NCL: variants seen among roughly 807,000 people sequenced by gnomAD.
NCL encodes nucleolin multifunctional protein.
In NCL, 4 loss-of-function variants were observed where a neutral mutation model predicts 77.7. The ratio of observed to expected loss-of-function variants is 0.05; its 90% CI spans 0.03 to 0.12. The LOEUF (loss-of-function observed/expected upper bound fraction) is 0.12. NCL is among the 10% of genes least tolerant of loss of function. NCL has a pLI of 1.00. For missense variants in NCL, 763 were observed against 860.9 expected (o/e 0.89, Z 1.42); for synonymous variants, 344 against 297.8 (o/e 1.16, Z -1.60).
chr2:231,456,597 C>G (rs202114632), intron 11 of NCL, 34 bp downstream of exon 11: 5 of 1,613,140 alleles, frequency 3.1e-6, no homozygotes, highest in Non-Finnish European at 4.2e-6. Flanking sequence ...AGAGTGCTAC[C>G]CCCAACCACA....
At position 231,454,846 on chromosome 2, in the gene NCL, C is replaced by CAAAAAAAAAA. The variant is rs201409564; in HGVS notation, c.*335_*344dup. On this transcript the variant is annotated 3_prime_UTR_variant, in exon 14 of 14. Transcript: ENST00000322723. ...CTTTTCTTTTACAACCCCACGAACG[C>CAAAAAAAAAA]AAAAAAAAAAAAAACAAAAACAAAA... 11 of 96,324 alleles carry CAAAAAAAAAA rather than the reference C, an allele frequency of 1.1e-4. No homozygotes were observed. Among genetic ancestry groups the CAAAAAAAAAA allele is most frequent in the Non-Finnish European group, 1.6e-4 (7 of 44,112 alleles). 6.0% of individuals were successfully genotyped at this position (96,324 alleles called of 1,614,324 possible).
At position 231,460,561 on chromosome 2, in the gene NCL, G is replaced by A; in HGVS notation, c.815C>T (p.Pro272Leu). The A allele has an allele frequency of 6.2e-7, 1 of 1,614,146 alleles. No individual in the cohort carries two copies. Among genetic ancestry groups the A allele is most frequent in the Non-Finnish European group, 8.5e-7 (1 of 1,180,038 alleles). Reference sequence around the variant, plus strand: ...TCGTTTTCCAGGTGCTTCTTTGACAGGCTCTGGACAAGATGTCAAACAATG... The same window carrying A: ...TCGTTTTCCAGGTGCTTCTTTGACAAGCTCTGGACAAGATGTCAAACAATG... ...EEEEEEEEEE[P>L]VKEAPGKRKK... The change falls in exon 5 of 14, where the codon CCT (proline) becomes CTT (leucine). Residue 272 changes from proline to leucine, a missense_variant. Pro to Leu is a moderately conservative substitution (Grantham distance 98, BLOSUM62 -3). Coordinates refer to ENST00000322723, the MANE Select transcript of NCL (RefSeq NM_005381.3).
chr2:231,455,163 T>C lies in NCL; in HGVS notation c.*28A>G. On this transcript the variant is annotated 3_prime_UTR_variant, in exon 14 of 14. Coordinates refer to ENST00000322723, the MANE Select transcript of NCL (RefSeq NM_005381.3). ...AAACCCCAGAGTCCTTTCTTTCAAA[T>C]GGAAAAGGGAAAGCAGAGGGACAGA... 1 of 1,613,616 alleles carries C rather than the reference T, an allele frequency of 6.2e-7. No homozygotes were observed. The highest frequency in any genetic ancestry group is 1.3e-5 in the African/African-American group (1 of 75,028).
chr2:231,461,553 GTCATCGTCATCCTCATCA>G lies in NCL; in HGVS notation c.582_599del (p.Asp197_Glu202del). 1.9e-6 allele frequency: 3 copies of G among 1,612,918 alleles called. No homozygotes were observed. The highest frequency in any genetic ancestry group is 2.5e-6 in the Non-Finnish European group (3 of 1,179,320). On this transcript the variant is annotated inframe_deletion, in exon 3 of 14. Coordinates refer to ENST00000322723, the MANE Select transcript of NCL (RefSeq NM_005381.3). ...ACAACTCCTTACCATCTTCCTCATC[GTCATCGTCATCCTCATCA>G]TCTTCGTCATCCTCATCGTCCTCAT... is the stretch of plus-strand genomic sequence containing the variant.
chr2:231,455,432 TCCTCCTCGG>T lies in NCL; in HGVS notation c.2016_2024del (p.Arg673_Gly675del), dbSNP rs1473718658. The T allele has an allele frequency of 2.5e-6, 4 of 1,613,794 alleles. No individual in the cohort carries two copies. Among genetic ancestry groups the T allele is most frequent in the Non-Finnish European group, 3.4e-6 (4 of 1,179,958 alleles). On this transcript the variant is annotated inframe_deletion, in exon 13 of 14. Coordinates refer to ENST00000322723, the MANE Select transcript of NCL (RefSeq NM_005381.3). ...AGCCTCCCCGGCCTCTGCCACCAAA[TCCTCCTCGG>T]CCTCCTCTACCACCACCTCGTCCTC...
In NCL at chr2:231,463,447, T is replaced by C. The variant is rs975033030; in HGVS notation, c.19-131A>G. ...TTCTCATAGTGCCAAACACCACAAC[T>C]AACATAGAAACTACTCCTGATGGCA... On this transcript the variant is annotated intron_variant, in intron 1 of 13. Coordinates refer to ENST00000322723, the MANE Select transcript of NCL (RefSeq NM_005381.3). 3 of 732,258 alleles carry C rather than the reference T, an allele frequency of 4.1e-6. No homozygotes were observed. The African/African-American group carries it at 5.4e-5, about 13-fold the overall frequency. The allele number at this position is 732,258 out of a possible 1,614,324, so 45.4% of individuals were successfully genotyped here.
intron 6 of NCL, among the ~76,000 whole-genome samples, chr2:231,459,781 C>T (rs2046928137): frequency 6.6e-6 from 1 of 151,856 alleles, no homozygotes; most frequent in Non-Finnish European, 1.5e-5. Context: ...GTGAAGTGCA[C>T]CCGTAATCCC....
rs200514306 is a variant in NCL at position 231,458,990 on chromosome 2, G to C, written c.1165+11C>G. On this transcript the variant is annotated intron_variant, in intron 7 of 13. Transcript: ENST00000322723. ...TGAGTTCATTGCATAATCTCATAAA[G>C]CCTTACATACCTTTCTTACTGTCTT... 1 of 1,570,746 alleles carries C rather than the reference G, an allele frequency of 6.4e-7. No individual in the cohort carries two copies. Among genetic ancestry groups the C allele is most frequent in the African/African-American group, 1.4e-5 (1 of 72,474 alleles).
Position 231,454,374 on chromosome 2 carries a change from G to A in NCL, c.*817C>T, listed in dbSNP as rs892827088. Reference sequence around the variant, plus strand: ...TTGGCCAGGCTGGTCTTCAACTCCTGACCTCAGTTGATCTGCCTGCCTCGG... The same window carrying A: ...TTGGCCAGGCTGGTCTTCAACTCCTAACCTCAGTTGATCTGCCTGCCTCGG... On this transcript the variant is annotated 3_prime_UTR_variant, in exon 14 of 14. Transcript: ENST00000322723. 1 of 152,342 alleles carries A rather than the reference G, an allele frequency of 6.6e-6. No homozygotes were observed. Among genetic ancestry groups the A allele is most frequent in the Non-Finnish European group, 1.5e-5 (1 of 68,168 alleles). The allele number at this position is 152,342 out of a possible 1,614,324, so 9.4% of individuals were successfully genotyped here. A position where few individuals can be genotyped will look rare whatever the true frequency, so the allele number is the denominator to read the frequency against.
intron 7 of NCL, 128 bp from the exon 8 acceptor site, chr2:231,458,517 G>T: frequency 8.4e-7 from 1 of 1,195,980 alleles, no homozygotes; most frequent in Non-Finnish European, 1.2e-6. Flanking sequence ...AATGTACAAG[G>T]CTCGGTGCTA....
rs560831178 is a variant in NCL, at chr2:231,464,240, G to T, written c.18+96C>A. 1.2e-4 allele frequency: 188 copies of T among 1,520,262 alleles called. No individual in the cohort carries two copies. The African/African-American group carries it at 2.5e-3, about 20-fold the overall frequency. The allele number at this position is 1,520,262 out of a possible 1,614,324, so 94.2% of individuals were successfully genotyped here. On this transcript the variant is annotated intron_variant, in intron 1 of 13. Coordinates refer to ENST00000322723, the MANE Select transcript of NCL (RefSeq NM_005381.3). ...CCCGCAGCATGGCGCCCTAGAACGC[G>T]CCCGGGACTGCGCGCAGGCCCTCCT...
intron 3 of NCL, among the ~76,000 whole-genome samples, chr2:231,461,261 G>A (rs1483042996): frequency 6.7e-6 from 1 of 149,612 alleles, no homozygotes; most frequent in Non-Finnish European, 1.5e-5. Flanking sequence ...CTGGGAAACA[G>A]CAAAAGCTCC....
At chr2:231,458,858 T>C in intron 7 of NCL, 143 bp downstream of exon 7, 1 of 924,042 alleles carries the variant, frequency 1.1e-6, no homozygotes, top group Non-Finnish European at 1.5e-6. Context: ...CTGTAGCTCA[T>C]TTAATTCCCA....
In NCL at chr2:231,455,594, C is replaced by T. The variant is rs143429155; in HGVS notation, c.1863G>A (p.Glu621=). 7.2e-5 allele frequency: 116 copies of T among 1,614,126 alleles called. No individual in the cohort carries two copies. The highest frequency in any genetic ancestry group is 6.7e-4 in the African/African-American group (50 of 75,038). ...GFGFVDFNSE[E]DAKAAKEAME... ...TGGCCTCCTTGGCAGCTTTGGCATC[C>T]TCCTCACTGTTGAAGTCTACAAAAC... The change falls in exon 13 of 14, where the codon GAG becomes GAA. Residue 621 remains glutamate, a synonymous_variant. Transcript: ENST00000322723.
intron 2 of NCL, chr2:231,462,882 CA>C: frequency 2.5e-5 from 2 of 81,138 alleles, no homozygotes; most frequent in East Asian, 1.1e-3. Context: ...GCTCTGAATA[CA>C]ATGCCCAGCT....
chr2:231,455,777 C>T (rs1029443173), intron 12 of NCL, 153 bp from the exon 13 acceptor site: 5 of 1,148,412 alleles, frequency 4.4e-6, no homozygotes, highest in Non-Finnish European at 6.5e-6. Context: ...GGAAAACTAA[C>T]TGGTGTGACA....
At chr2:231,457,274 C>CA (rs2046900156) in intron 9 of NCL, 150 bp from the exon 10 acceptor site, 1 of 1,091,230 alleles carries the variant, frequency 9.2e-7, no homozygotes, top group South Asian at 1.3e-5. Flanking sequence ...TGTTACTCAA[C>CA]ATATTAAGTA....
At chr2:231,461,493 G>A in intron 3 of NCL, 47 bp downstream of exon 3, 1 of 1,588,952 alleles carries the variant, frequency 6.3e-7, no homozygotes, top group Non-Finnish European at 8.6e-7. Flanking sequence ...AGAATCTCAA[G>A]ATACCTTGTA....
intron 12 of NCL, 108 bp from the exon 13 acceptor site, chr2:231,455,732 T>G: frequency 7.5e-7 from 1 of 1,336,720 alleles, no homozygotes; most frequent in East Asian, 2.3e-5. Context: ...CTTGTTTATT[T>G]GGGAAAAGAT....
Sources: allele counts gnomAD v4.1 joint callset (sites outside exome capture counted in the v4.1 genomes callset), GRCh38; gene constraint gnomAD v4.1.1; transcripts MANE v1.5; gene names NCBI Gene and HGNC (gene_info 2026-07-23, HGNC 2026-07-21).